RASGRF2: variants seen among roughly 807,000 people sequenced by gnomAD.
RASGRF2 encodes the protein Ras protein specific guanine nucleotide releasing factor 2.
A neutral mutation model predicts 151.0 loss-of-function variants in RASGRF2; 76 were observed. That is an observed-to-expected ratio of 0.50 (90% confidence interval 0.42 to 0.61). The LOEUF is 0.61. Ranked by LOEUF, RASGRF2 falls within the 20% of genes least tolerant of loss-of-function variation. The pLI is 0.00. For synonymous variants in RASGRF2, 504 were observed against 566.5 expected (o/e 0.89, Z 1.57); for missense variants, 1,148 against 1,564.6 (o/e 0.73, Z 4.49).
chr5:81,073,048 A>G, intron 4 of RASGRF2, 151 bp from the exon 5 acceptor site: 4 of 986,986 alleles, frequency 4.1e-6, no homozygotes, highest in Admixed American at 2.9e-5. Context: ...CTTGCCTGTT[A>G]TTTTTCACAT....
intron 17 of RASGRF2, among the ~76,000 whole-genome samples, chr5:81,152,470 C>G (rs1754160948): frequency 6.6e-6 from 1 of 152,196 alleles, no homozygotes; most frequent in South Asian, 2.1e-4. Context: ...TAAGCTATCC[C>G]TTCTTCCTTC....
chr5:80,980,906 C>A (rs1748277847), intron 1 of RASGRF2, among the ~76,000 whole-genome samples: 1 of 151,980 alleles, frequency 6.6e-6, no homozygotes, highest in Non-Finnish European at 1.5e-5. Flanking sequence ...AAATGGGATT[C>A]TTCCAGAGCC....
At chr5:81,020,392 A>G (rs991666676) in intron 1 of RASGRF2, among the ~76,000 whole-genome samples, 6 of 152,104 alleles carry the variant, frequency 3.9e-5, no homozygotes, top group Admixed American at 1.3e-4. Flanking sequence ...CCTTCTCTGG[A>G]TGACTACCTG....
chr5:81,026,700 A>AT (rs1750044922), intron 1 of RASGRF2, among the ~76,000 whole-genome samples: 1 of 152,204 alleles, frequency 6.6e-6, no homozygotes, highest in Non-Finnish European at 1.5e-5. Flanking sequence ...TTAACTAAAA[A>AT]TTATGACTAA....
At chr5:81,190,248 G>C (rs1181090986) in intron 18 of RASGRF2, among the ~76,000 whole-genome samples, 1 of 152,144 alleles carries the variant, frequency 6.6e-6, no homozygotes, top group African/African-American at 2.4e-5. Context: ...CTGATTTCCT[G>C]GACACATAGG....
chr5:80,960,870 C>T lies in RASGRF2; in HGVS notation c.132C>T (p.Phe44=). 6.2e-7 allele frequency: 1 copy of T among 1,613,522 alleles called. No homozygotes were observed. Among genetic ancestry groups the T allele is most frequent in the Middle Eastern group, 1.7e-4 (1 of 5,988 alleles). The change falls in exon 1 of 27, where the codon TTC becomes TTT. Residue 44 remains phenylalanine, a synonymous_variant. Transcript: ENST00000265080. This position sits in a 1 kb window ranked among gnomAD's most constrained non-coding sequence, Gnocchi z 5.5. ...CGAGCCGCTGGCACGAGAAGTGGTT[C>T]GCCCTCTACCAGAATGTGCTCTTCT... ...AEASRWHEKW[F]ALYQNVLFYF... is the part of the protein sequence containing the mutation.
At chr5:81,217,619 GC>G in intron 25 of RASGRF2, 146 bp downstream of exon 25, 1 of 639,544 alleles carries the variant, frequency 1.6e-6, no homozygotes. Context: ...TCAGTCTATC[GC>G]CCAGGCTGGA....
At chr5:81,183,740 T>C (rs1417890410) in intron 18 of RASGRF2, among the ~76,000 whole-genome samples, 1 of 152,220 alleles carries the variant, frequency 6.6e-6, no homozygotes. Flanking sequence ...ACTCCAGCTC[T>C]GCCAACTGTA....
chr5:80,997,347 T>G (rs1412156684), intron 1 of RASGRF2: 1 of 152,234 alleles, frequency 6.6e-6, no homozygotes, highest in African/African-American at 2.4e-5. Context: ...ACTAACTGAT[T>G]TGCCAATGCT....
intron 20 of RASGRF2, 77 bp downstream of exon 20, chr5:81,206,982 G>A (rs1755522493): frequency 8.2e-6 from 10 of 1,226,546 alleles, no homozygotes; most frequent in East Asian, 2.3e-5. Flanking sequence ...GCTTGTAACC[G>A]ATCAAGGAGT....
At chr5:81,124,738 C>T (rs184180042) in intron 16 of RASGRF2, among the ~76,000 whole-genome samples, 40 of 152,274 alleles carry the variant, frequency 2.6e-4, no homozygotes, top group African/African-American at 9.1e-4. Flanking sequence ...TTAATTATCT[C>T]CCATTTTCCC....
rs553018509 is a variant in RASGRF2 at position 80,960,591 on chromosome 5, C to CCCT, written c.-148_-147insCCT. ...CGCGCCGCGGCCTCCCGAAAGCGGG[C>CCCT]GGGGTGCCCTGCGCGCGGCGTGGGG... On this transcript the variant is annotated 5_prime_UTR_variant, in exon 1 of 27. Transcript: ENST00000265080. This position sits in a 1 kb window ranked among gnomAD's most constrained non-coding sequence, Gnocchi z 5.5. The CCCT allele has an allele frequency of 9.6e-3, 7,055 of 738,498 alleles. 58 individuals are homozygous for CCCT. The highest frequency in any genetic ancestry group is 0.031 in the Middle Eastern group (67 of 2,170). The allele number at this position is 738,498 out of a possible 1,614,324, so 45.7% of individuals were successfully genotyped here. A position where few individuals can be genotyped will look rare whatever the true frequency, so the allele number is the denominator to read the frequency against.
At chr5:81,070,703 C>T in intron 4 of RASGRF2, 122 bp downstream of exon 4, 2 of 727,650 alleles carry the variant, frequency 2.7e-6, no homozygotes, top group African/African-American at 1.8e-5. Flanking sequence ...GCTATGGCTC[C>T]CAGACTTGCC....
At chr5:81,053,129 CT>C (rs1751068967) in intron 2 of RASGRF2, among the ~76,000 whole-genome samples, 1 of 151,718 alleles carries the variant, frequency 6.6e-6, no homozygotes, top group Admixed American at 6.6e-5. Flanking sequence ...TAATTCTTTT[CT>C]TTTTTTTAAT....
intron 2 of RASGRF2, among the ~76,000 whole-genome samples, chr5:81,056,180 T>G (rs1304728282): frequency 6.6e-6 from 1 of 152,228 alleles, no homozygotes; most frequent in East Asian, 1.9e-4. Context: ...CTTTTGAATG[T>G]GTTTGCTCTT....
intron 1 of RASGRF2, among the ~76,000 whole-genome samples, chr5:81,035,838 G>A (rs1206231909): frequency 6.6e-6 from 1 of 152,164 alleles, no homozygotes; most frequent in Non-Finnish European, 1.5e-5. Context: ...AGAGAGAATA[G>A]GGGGCATGGC....
intron 1 of RASGRF2, among the ~76,000 whole-genome samples, chr5:81,008,889 C>T (rs912317580): frequency 6.6e-6 from 1 of 152,200 alleles, no homozygotes; most frequent in African/African-American, 2.4e-5. Context: ...GGCTCCAGCC[C>T]ATCTATTTCT....
At chr5:81,170,119 AGCATCACCTGCACCACCT>A (rs1231579048) in intron 17 of RASGRF2, among the ~76,000 whole-genome samples, 61 of 102,770 alleles carry the variant, frequency 5.9e-4, no homozygotes, top group Middle Eastern at 0.018. Context: ...CCATACCACC[AGCATCACCTGCACCACCT>A]GCATCACCTG....
intron 1 of RASGRF2, among the ~76,000 whole-genome samples, chr5:81,026,048 A>G (rs1368257219): frequency 4.8e-5 from 1 of 20,806 alleles, no homozygotes; most frequent in Non-Finnish European, 7.9e-5. Context: ...CCTTCCTTCC[A>G]TCCTTCCCTT....
Sources: allele counts gnomAD v4.1 joint callset (sites outside exome capture counted in the v4.1 genomes callset), GRCh38; gene constraint gnomAD v4.1.1; non-coding constraint Gnocchi (gnomAD v3.1); transcripts MANE v1.5; gene names NCBI Gene and HGNC (gene_info 2026-07-23, HGNC 2026-07-21).